PEAR1: variants seen among roughly 807,000 people sequenced by gnomAD.
The protein encoded by PEAR1 is multiple EGF-like domains protein 12.
Under a neutral mutation model 131.2 loss-of-function variants are expected in PEAR1, and 113 were observed. The ratio of observed to expected loss-of-function variants is 0.86; its 90% CI spans 0.74 to 1.01. The LOEUF (loss-of-function observed/expected upper bound fraction) is 1.01. Among genes scored for constraint, PEAR1 ranks in the 50% least tolerant of loss-of-function variants. PEAR1 has a pLI of 0.00. For synonymous variants in PEAR1, 565 were observed against 523.3 expected (o/e 1.08, Z -1.09); for missense variants, 1,408 against 1,391.1 (o/e 1.01, Z -0.19).
In PEAR1 at chr1:156,913,293, G is replaced by C; in HGVS notation, c.2511+11G>C. 1 of 1,602,462 alleles carries C rather than the reference G, an allele frequency of 6.2e-7. No homozygotes were observed. The highest frequency in any genetic ancestry group is 2.2e-5 in the East Asian group (1 of 44,756). On this transcript the variant is annotated intron_variant, in intron 19 of 22. Transcript: ENST00000292357. Reference sequence around the variant, plus strand: ...CCACCCCCTAACAAGGTCAGTGCCGGGGGAGGGGGTGCACTGTGGAGGGAA... The same window carrying C: ...CCACCCCCTAACAAGGTCAGTGCCGCGGGAGGGGGTGCACTGTGGAGGGAA...
intron 13 of PEAR1, 54 bp from the exon 14 acceptor site, chr1:156,910,180 C>A: frequency 6.2e-7 from 1 of 1,612,584 alleles, no homozygotes; most frequent in Non-Finnish European, 8.5e-7. Flanking sequence ...CCAGAAGAGC[C>A]CCCTGGAACT....
In PEAR1 at chr1:156,907,680, G is replaced by A; in HGVS notation, c.715G>A (p.Gly239Ser). The stretch of plus-strand genomic sequence containing the variant: ...CAGCACCCATTCTTGCCAAAATGGA[G>A]GTGTCTTCCAAACCCCACAGGGCTC... ...CPSTHSCQNG[G>S]VFQTPQGSCS... Residue 239 changes from glycine (G) to serine (S), a missense_variant, in exon 7 of 23, where the codon GGT becomes AGT. By Grantham distance (56) the Gly-to-Ser change is moderately conservative. Coordinates refer to ENST00000292357, the MANE Select transcript of PEAR1 (RefSeq NM_001080471.3). 6.2e-7 allele frequency: 1 copy of A among 1,613,988 alleles called. No individual in the cohort carries two copies. Among genetic ancestry groups the A allele is most frequent in the Admixed American group, 1.7e-5 (1 of 60,006 alleles).
At chr1:156,903,631 G>A (rs1570949107) in intron 1 of PEAR1, among the ~76,000 whole-genome samples, 2 of 152,200 alleles carry the variant, frequency 1.3e-5, no homozygotes, top group Non-Finnish European at 2.9e-5. Context: ...TCAGGAAGTG[G>A]AGGAGGGAAG....
intron 7 of PEAR1, 24 bp from the exon 8 acceptor site, chr1:156,907,891 C>T (rs1231960815): frequency 2.5e-6 from 4 of 1,595,056 alleles, no homozygotes; most frequent in East Asian, 2.3e-5. Context: ...TGCCTGGGGC[C>T]CTGTTGACCT....
chr1:156,894,317 G>A (rs1180224074), intron 1 of PEAR1, among the ~76,000 whole-genome samples: 3 of 152,234 alleles, frequency 2.0e-5, no homozygotes, highest in Non-Finnish European at 4.4e-5. Flanking sequence ...CCTGACCTCT[G>A]TGCCTCAGTT....
chr1:156,896,383 G>A (rs968937199), intron 1 of PEAR1, among the ~76,000 whole-genome samples: 1 of 152,194 alleles, frequency 6.6e-6, no homozygotes, highest in African/African-American at 2.4e-5. Flanking sequence ...TTTGAATCCT[G>A]CTCTTGCCCC....
intron 3 of PEAR1, 186 bp from the exon 4 acceptor site, chr1:156,905,138 C>A: frequency 8.5e-7 from 1 of 1,170,798 alleles, no homozygotes; most frequent in Non-Finnish European, 1.2e-6. Flanking sequence ...AGGTCTCGCT[C>A]TGTCACCCAG....
At chr1:156,913,103 G>A (rs878878914) in intron 18 of PEAR1, 91 bp from the exon 19 acceptor site, 20 of 1,552,520 alleles carry the variant, frequency 1.3e-5, no homozygotes, top group South Asian at 8.0e-5. Flanking sequence ...GGAGGTCAGG[G>A]AGGCCAAAGT....
Position 156,909,679 on chromosome 1 carries a change from C to T in PEAR1, c.1412-72C>T, listed in dbSNP as rs186578786. On this transcript the variant is annotated intron_variant, in intron 11 of 22. Coordinates refer to ENST00000292357, the MANE Select transcript of PEAR1 (RefSeq NM_001080471.3). ...GCTCATAGCATAGAATCTGGCCCAG[C>T]CAGCTCCCACTGTGTGCTTGCTCAG... is the stretch of plus-strand genomic sequence containing the variant. 828 of 1,524,508 alleles carry T rather than the reference C, an allele frequency of 5.4e-4. 4 individuals are homozygous for T. The highest frequency in any genetic ancestry group is 3.9e-3 in the Middle Eastern group (22 of 5,672). The allele number at this position is 1,524,508 out of a possible 1,614,324, so 94.4% of individuals were successfully genotyped here.
At chr1:156,911,187 C>CT (rs1350414219) in intron 15 of PEAR1, among the ~76,000 whole-genome samples, 1 of 86,716 alleles carries the variant, frequency 1.2e-5, no homozygotes, top group African/African-American at 5.2e-5. Flanking sequence ...TTTCTTTCTT[C>CT]TTTCTTTCTT....
intron 1 of PEAR1, among the ~76,000 whole-genome samples, chr1:156,901,150 G>A (rs1649641411): frequency 6.6e-6 from 1 of 152,204 alleles, no homozygotes; most frequent in Non-Finnish European, 1.5e-5. Context: ...ACCCCACCCT[G>A]GCTTCCAGCC....
intron 5 of PEAR1, 84 bp downstream of exon 5, chr1:156,906,452 C>T: frequency 1.9e-6 from 3 of 1,564,336 alleles, no homozygotes; most frequent in Non-Finnish European, 2.6e-6. Flanking sequence ...TACCAGGGCA[C>T]AGGGGCTTAG....
chr1:156,894,921 C>G (rs1649013951), intron 1 of PEAR1, among the ~76,000 whole-genome samples: 1 of 152,344 alleles, frequency 6.6e-6, no homozygotes, highest in South Asian at 2.1e-4. Flanking sequence ...GAGCTCATCT[C>G]TGAACCCCAC....
In PEAR1 at chr1:156,902,019, C is replaced by A. The variant is rs1207284889; in HGVS notation, c.-9-1899C>A. 6.6e-6 allele frequency among the ~76,000 whole-genome samples: 1 copy of A among 152,118 alleles called. No individual in the cohort carries two copies. The highest frequency in any genetic ancestry group is 1.9e-4 in the East Asian group (1 of 5,188). On this transcript the variant is annotated intron_variant, in intron 1 of 22. Transcript: ENST00000292357. This position sits in a 1 kb window ranked among gnomAD's most constrained non-coding sequence, Gnocchi z 4.3. Reference sequence around the variant, plus strand: ...ACTCCTGACTGTGGCCTCTCCCCTTCAGAGGGGGCCACAGTGTCAGCTCTG... The same window carrying A: ...ACTCCTGACTGTGGCCTCTCCCCTTAAGAGGGGGCCACAGTGTCAGCTCTG...
In PEAR1 at chr1:156,910,367, C is replaced by T. The variant is rs1650912747; in HGVS notation, c.1812C>T (p.Pro604=). 1.3e-6 allele frequency: 2 copies of T among 1,598,312 alleles called. No homozygotes were observed. The highest frequency in any genetic ancestry group is 1.3e-5 in the African/African-American group (1 of 74,724). The change falls in exon 14 of 23, where the codon CCC becomes CCT. Residue 604 remains proline, a synonymous_variant. Transcript: ENST00000292357. ...TGTGTGCACCCGGATTCCGGGGCCC[C>T]TCCTGCCAGAGATGTGAGGCTCCCT... ...NCVCAPGFRG[P]SCQRSCQPGR...
chr1:156,912,394 C>G lies in PEAR1; in HGVS notation c.2080+19C>G. The G allele has an allele frequency of 6.2e-7, 1 of 1,608,676 alleles. No homozygotes were observed. Among genetic ancestry groups the G allele is most frequent in the Non-Finnish European group, 8.5e-7 (1 of 1,177,688 alleles). On this transcript the variant is annotated intron_variant, in intron 16 of 22. Coordinates refer to ENST00000292357, the MANE Select transcript of PEAR1 (RefSeq NM_001080471.3). The stretch of plus-strand genomic sequence containing the variant: ...TTAGAAGGTACCAACAGAAGGGGAA[C>G]TCCAGGCCCCTGCCTCCAACTTAAC...
At chr1:156,903,251 AC>A (rs1235508491) in intron 1 of PEAR1, among the ~76,000 whole-genome samples, 2 of 151,894 alleles carry the variant, frequency 1.3e-5, no homozygotes, top group Non-Finnish European at 2.9e-5. Context: ...AGAGCAGGAA[AC>A]CCCTGACAGC....
In PEAR1 at chr1:156,912,263, C is replaced by A. The variant is rs1345691997; in HGVS notation, c.1968C>A (p.His656Gln). ...PDCSQPCPPGHWGENCAQTCQ... is the reference protein window; with the variant it reads ...PDCSQPCPPGQWGENCAQTCQ... ...CTCCCGTAGCATGCCCTCCAGGACA[C>A]TGGGGAGAAAACTGTGCCCAGACCT... Residue 656 changes from histidine (H) to glutamine (Q), a missense_variant, in exon 16 of 23, where the codon CAC (histidine) becomes CAA (glutamine). Transcript: ENST00000292357. 6.2e-7 allele frequency: 1 copy of A among 1,613,410 alleles called. No homozygotes were observed. The highest frequency in any genetic ancestry group is 1.3e-5 in the African/African-American group (1 of 74,900).
At chr1:156,906,976 G>C (rs916490603) in intron 6 of PEAR1, 96 bp downstream of exon 6, 1 of 1,476,960 alleles carries the variant, frequency 6.8e-7, no homozygotes, top group South Asian at 1.3e-5. Flanking sequence ...AGGGCCCCAA[G>C]TGTGGGGATG....
Sources: allele counts gnomAD v4.1 joint callset (sites outside exome capture counted in the v4.1 genomes callset), GRCh38; gene constraint gnomAD v4.1.1; non-coding constraint Gnocchi (gnomAD v3.1); transcripts MANE v1.5; gene names NCBI Gene and HGNC (gene_info 2026-07-23, HGNC 2026-07-21).